Variants in C1QTNF7 observed in about 807,000 individuals in gnomAD.
C1QTNF7 encodes the protein complement C1q tumor necrosis factor-related protein 7.
C1QTNF7 carries 15 observed loss-of-function variants against 19.6 expected under a neutral mutation model. The observed-to-expected ratio is 0.76, with a 90% CI of 0.51 to 1.18. The LOEUF is 1.18. Among genes scored for constraint, C1QTNF7 ranks in the 50% most tolerant of loss-of-function variants. C1QTNF7 has a pLI of 0.00. For synonymous variants in C1QTNF7, 142 were observed against 137.5 expected (o/e 1.03, Z -0.23); for missense variants, 324 against 359.7 (o/e 0.90, Z 0.80).
At chr4:15,441,549 C>A (rs984633865) in intron 2 of C1QTNF7, among the ~76,000 whole-genome samples, 1 of 152,200 alleles carries the variant, frequency 6.6e-6, no homozygotes, top group Non-Finnish European at 1.5e-5. Flanking sequence ...TGAAGGGTTC[C>A]TGTAGTGCCC....
chr4:15,365,479 A>C (rs149422661), intron 1 of C1QTNF7, among the ~76,000 whole-genome samples: 208 of 152,336 alleles, frequency 1.4e-3, no homozygotes, highest in African/African-American at 4.8e-3. Flanking sequence ...ACGTGGTTCA[A>C]CTTAGACCCG....
chr4:15,357,293 C>A (rs1280947856), intron 1 of C1QTNF7, among the ~76,000 whole-genome samples: 1 of 152,138 alleles, frequency 6.6e-6, no homozygotes, highest in Non-Finnish European at 1.5e-5. Flanking sequence ...AGGAAGGCGT[C>A]CAGTTTCAGT....
intron 1 of C1QTNF7, among the ~76,000 whole-genome samples, chr4:15,356,561 A>C (rs1270503003): frequency 6.6e-6 from 1 of 152,154 alleles, no homozygotes; most frequent in African/African-American, 2.4e-5. Context: ...ATAAACATAC[A>C]TGTGCATGTG....
intron 1 of C1QTNF7, among the ~76,000 whole-genome samples, chr4:15,401,659 A>G (rs1719001982): frequency 6.6e-6 from 1 of 152,238 alleles, no homozygotes; most frequent in Middle Eastern, 3.2e-3. Context: ...AAATGAATCA[A>G]CATCGTAGTT....
intron 1 of C1QTNF7, among the ~76,000 whole-genome samples, chr4:15,389,426 T>G (rs942291332): frequency 3.9e-5 from 6 of 151,974 alleles, no homozygotes; most frequent in Admixed American, 3.3e-4. Flanking sequence ...TGAGGAGTCT[T>G]TTTATTTTTT....
intron 1 of C1QTNF7, among the ~76,000 whole-genome samples, chr4:15,434,690 T>C (rs547594220): frequency 1.3e-5 from 2 of 152,312 alleles, no homozygotes; most frequent in Non-Finnish European, 2.9e-5. Flanking sequence ...TCAGCCTATA[T>C]GCCAAAGTGC....
At chr4:15,419,119 T>G (rs575936197) in intron 1 of C1QTNF7, among the ~76,000 whole-genome samples, 8 of 152,302 alleles carry the variant, frequency 5.3e-5, no homozygotes, top group African/African-American at 1.9e-4. Context: ...AGGATTTTGT[T>G]TTTATACAGG....
Position 15,383,767 on chromosome 4 carries a change from T to C in C1QTNF7, c.13+43560T>C, listed in dbSNP as rs533233163. On this transcript the variant is annotated intron_variant, in intron 1 of 2. Transcript: ENST00000295297. ...CTTTGGAAAGGGCTGATTTGCTTTC[T>C]TCACCCCTTGCTAGTCTTGAAACAT... 2.0e-5 allele frequency among the ~76,000 whole-genome samples: 3 copies of C among 152,364 alleles called. No individual in the cohort carries two copies. In the South Asian group the frequency reaches 6.2e-4, roughly 32 times the overall value.
At position 15,442,819 on chromosome 4, in the gene C1QTNF7, G is replaced by A. The variant is rs1363141505; in HGVS notation, c.*20G>A. The stretch of plus-strand genomic sequence containing the variant: ...TTGTGATCAGGACCAAGATCCCTGT[G>A]GTAAACACTCTGATTGAATCTGGGG... On this transcript the variant is annotated 3_prime_UTR_variant, in exon 3 of 3. Coordinates refer to ENST00000444304, the MANE Select transcript of C1QTNF7 (RefSeq NM_031911.5). 2 of 1,566,404 alleles carry A rather than the reference G, an allele frequency of 1.3e-6. No individual in the cohort carries two copies. Among genetic ancestry groups the A allele is most frequent in the Admixed American group, 1.8e-5 (1 of 55,058 alleles).
intron 2 of C1QTNF7, among the ~76,000 whole-genome samples, chr4:15,436,820 G>T (rs1712558180): frequency 6.6e-6 from 1 of 152,164 alleles, no homozygotes; most frequent in African/African-American, 2.4e-5. Flanking sequence ...TAAAAGTTGG[G>T]ACAAAAGATA....
At chr4:15,342,157 G>A (rs767937771) in intron 1 of C1QTNF7, among the ~76,000 whole-genome samples, 1 of 152,222 alleles carries the variant, frequency 6.6e-6, no homozygotes, top group Non-Finnish European at 1.5e-5. Flanking sequence ...GCTGATGAGA[G>A]AGGCCCACAG....
intron 1 of C1QTNF7, among the ~76,000 whole-genome samples, chr4:15,397,209 T>A (rs1324558083): frequency 6.6e-6 from 1 of 152,118 alleles, no homozygotes; most frequent in Non-Finnish European, 1.5e-5. Context: ...CAATCCAAGA[T>A]GAGATTTGGG....
At chr4:15,369,513 A>G (rs1717646502) in intron 1 of C1QTNF7, among the ~76,000 whole-genome samples, 1 of 152,216 alleles carries the variant, frequency 6.6e-6, no homozygotes, top group African/African-American at 2.4e-5. Flanking sequence ...CCTATCCATC[A>G]GCTACATCTG....
At chr4:15,402,316 T>G (rs1465376491) in intron 1 of C1QTNF7, among the ~76,000 whole-genome samples, 1 of 152,194 alleles carries the variant, frequency 6.6e-6, no homozygotes, top group Non-Finnish European at 1.5e-5. Flanking sequence ...CAGGCATTCC[T>G]AAACATGTAA....
At chr4:15,363,935 A>G (rs1340080913) in intron 1 of C1QTNF7, among the ~76,000 whole-genome samples, 1 of 152,216 alleles carries the variant, frequency 6.6e-6, no homozygotes, top group Non-Finnish European at 1.5e-5. Context: ...CCCTGTTCAG[A>G]GCAGACACTC....
intron 1 of C1QTNF7, among the ~76,000 whole-genome samples, chr4:15,352,399 C>G (rs140938878): frequency 4.4e-3 from 676 of 152,214 alleles, no homozygotes; most frequent in Non-Finnish European, 8.1e-3. Flanking sequence ...CCAAGGCCCA[C>G]GGTCTTTTCA....
chr4:15,347,088 ACT>A (rs1716745498), intron 1 of C1QTNF7, among the ~76,000 whole-genome samples: 3 of 152,140 alleles, frequency 2.0e-5, no homozygotes, highest in Admixed American at 1.3e-4. Flanking sequence ...GTAAAGAAAG[ACT>A]CTCATTTCTT....
At chr4:15,360,762 G>C (rs1440633664) in intron 1 of C1QTNF7, among the ~76,000 whole-genome samples, 2 of 152,176 alleles carry the variant, frequency 1.3e-5, no homozygotes, top group African/African-American at 4.8e-5. Flanking sequence ...AGCACTGTGA[G>C]GTTTGACTGG....
At chr4:15,392,971 G>A (rs1170206258) in intron 1 of C1QTNF7, among the ~76,000 whole-genome samples, 1 of 152,122 alleles carries the variant, frequency 6.6e-6, no homozygotes, top group Non-Finnish European at 1.5e-5. Flanking sequence ...TAATTTGACT[G>A]TGTCCCCACC....
Sources: gnomAD v4.1 joint callset for allele counts (sites outside exome capture counted in the v4.1 genomes callset) on GRCh38, gnomAD v4.1.1 for gene constraint, MANE v1.5 for transcripts, NCBI Gene and HGNC (gene_info 2026-07-23, HGNC 2026-07-21) for gene names.